The following SEMA6D variants were observed in gnomAD, a reference collection of about 807,000 sequenced individuals.
The protein encoded by SEMA6D is semaphorin-6D.
Under a neutral mutation model 106.6 loss-of-function variants are expected in SEMA6D, and 35 were observed. The ratio of observed to expected loss-of-function variants is 0.33; its 90% CI spans 0.25 to 0.44. The LOEUF (loss-of-function observed/expected upper bound fraction) is 0.44. Among genes scored for constraint, SEMA6D ranks in the 20% least tolerant of loss-of-function variants. The pLI, the probability that SEMA6D is intolerant of heterozygous loss-of-function variation, is 1.00. For synonymous variants in SEMA6D, 499 were observed against 487.7 expected (o/e 1.02, Z -0.31); for missense variants, 1,185 against 1,345.9 (o/e 0.88, Z 1.87).
intron 2 of SEMA6D, among the ~76,000 whole-genome samples, chr15:47,445,418 G>A (rs897528742): frequency 6.6e-6 from 1 of 151,916 alleles, no homozygotes; most frequent in Non-Finnish European, 1.5e-5. Flanking sequence ...GTGGAAAATA[G>A]GGAAGAGAGA....
At chr15:47,740,155 G>A (rs781623208) in intron 1 of SEMA6D, among the ~76,000 whole-genome samples, 1 of 152,190 alleles carries the variant, frequency 6.6e-6, no homozygotes, top group Non-Finnish European at 1.5e-5. Context: ...AGGGTTTCAT[G>A]CATTGCGACT....
intron 4 of SEMA6D, among the ~76,000 whole-genome samples, chr15:47,613,230 C>T (rs2076945232): frequency 6.6e-6 from 1 of 152,196 alleles, no homozygotes; most frequent in Admixed American, 6.5e-5. Flanking sequence ...CCTACACCTT[C>T]AATTGGTGGA....
At chr15:47,333,691 C>A (rs2037435785) in intron 1 of SEMA6D, among the ~76,000 whole-genome samples, 1 of 152,112 alleles carries the variant, frequency 6.6e-6, no homozygotes, top group African/African-American at 2.4e-5. Flanking sequence ...CATCAGGAAA[C>A]AAAACAGACA....
At chr15:47,195,356 A>G (rs1248256425) in intron 1 of SEMA6D, among the ~76,000 whole-genome samples, 3 of 152,270 alleles carry the variant, frequency 2.0e-5, no homozygotes, top group East Asian at 1.9e-4. Context: ...CTCTGCCCAG[A>G]TAAGTCTAAC....
intron 4 of SEMA6D, among the ~76,000 whole-genome samples, chr15:47,702,888 T>TA (rs1302928918): frequency 6.6e-6 from 1 of 152,018 alleles, no homozygotes; most frequent in Non-Finnish European, 1.5e-5. Context: ...ACATAGAAGA[T>TA]TTTTTTAAGG....
At chr15:47,730,498 G>A in intron 1 of SEMA6D, 1 of 1,288,782 alleles carries the variant, frequency 7.8e-7, no homozygotes, top group Non-Finnish European at 1.1e-6. Context: ...CTTTCTTATT[G>A]TCCACCAAGG....
At chr15:47,301,855 A>G (rs1206860467) in intron 1 of SEMA6D, among the ~76,000 whole-genome samples, 4 of 152,334 alleles carry the variant, frequency 2.6e-5, no homozygotes, top group East Asian at 1.9e-4. Context: ...GAGTCCCCCA[A>G]ACTCTGAAGG....
chr15:47,520,202 C>T (rs1159908613), intron 3 of SEMA6D, among the ~76,000 whole-genome samples: 4 of 152,124 alleles, frequency 2.6e-5, no homozygotes, highest in Non-Finnish European at 4.4e-5. Context: ...AATCAATTTT[C>T]CTTTGGTTTT....
chr15:47,647,719 C>CAA (rs777557315), intron 4 of SEMA6D, among the ~76,000 whole-genome samples: 56 of 93,824 alleles, frequency 6.0e-4, no homozygotes, highest in African/African-American at 1.4e-3. Context: ...CAATTGTGGG[C>CAA]AAAAAAAAAA....
intron 1 of SEMA6D, among the ~76,000 whole-genome samples, chr15:47,723,482 GA>G (rs1028577250): frequency 2.6e-5 from 4 of 152,254 alleles, no homozygotes; most frequent in African/African-American, 9.6e-5. Context: ...TTCCCGGGGG[GA>G]ATTTATGGGC....
At chr15:47,597,345 G>T (rs71467630) in intron 3 of SEMA6D, among the ~76,000 whole-genome samples, 36,546 of 151,864 alleles carry the variant, frequency 0.24, 5,254 homozygotes, top group East Asian at 0.46. Context: ...CGACAGTATG[G>T]TCCGGCAATT....
intron 3 of SEMA6D, among the ~76,000 whole-genome samples, chr15:47,585,147 C>A (rs1403334939): frequency 3.9e-5 from 6 of 152,184 alleles, no homozygotes; most frequent in Non-Finnish European, 5.9e-5. Context: ...CCTGATGTGA[C>A]CTCACATAAT....
At position 47,444,913 on chromosome 15, in the gene SEMA6D, C is replaced by T. The variant is rs116900798; in HGVS notation, c.-158-25561C>T. Among the ~76,000 whole-genome samples the T allele has an allele frequency of 3.2e-4, 48 of 152,246 alleles. No homozygotes were observed. In the East Asian group the frequency reaches 9.1e-3, roughly 29 times the overall value. On this transcript the variant is annotated intron_variant, in intron 2 of 19. Transcript: ENST00000558014. ...TCCTTGTCCAGCGTCCAGGAAAAAT[C>T]AGGTCACACACGGACTTGAAGGATG...
At chr15:47,213,628 T>C (rs2030266483) in intron 1 of SEMA6D, among the ~76,000 whole-genome samples, 1 of 152,252 alleles carries the variant, frequency 6.6e-6, no homozygotes, top group Non-Finnish European at 1.5e-5. Flanking sequence ...AAAACTCTTA[T>C]ATATCCCATT....
intron 4 of SEMA6D, among the ~76,000 whole-genome samples, chr15:47,670,755 A>G (rs1384717756): frequency 6.6e-6 from 1 of 152,210 alleles, no homozygotes; most frequent in African/African-American, 2.4e-5. Flanking sequence ...AAGGGCTGCT[A>G]TTAAATTCCC....
At chr15:47,536,217 A>G (rs1431003809) in intron 3 of SEMA6D, among the ~76,000 whole-genome samples, 1 of 152,214 alleles carries the variant, frequency 6.6e-6, no homozygotes, top group Non-Finnish European at 1.5e-5. Flanking sequence ...CTCTACAGCA[A>G]TGTACCATTA....
chr15:47,644,736 A>G (rs145399166), intron 4 of SEMA6D, among the ~76,000 whole-genome samples: 218 of 152,354 alleles, frequency 1.4e-3, no homozygotes, highest in African/African-American at 4.9e-3. Context: ...TCTATTCTTT[A>G]TAAATTACCC....
chr15:47,518,746 A>G (rs542864487), intron 3 of SEMA6D, among the ~76,000 whole-genome samples: 1 of 152,338 alleles, frequency 6.6e-6, no homozygotes, highest in South Asian at 2.1e-4. Context: ...GTGAATGACT[A>G]TCAATATCAT....
chr15:47,254,481 A>G (rs2033692193), intron 1 of SEMA6D, among the ~76,000 whole-genome samples: 1 of 151,886 alleles, frequency 6.6e-6, no homozygotes, highest in South Asian at 2.1e-4. Flanking sequence ...TGAAAGTGGT[A>G]AGAATGGACA....
Sources: gnomAD v4.1 joint callset for allele counts (sites outside exome capture counted in the v4.1 genomes callset) on GRCh38, gnomAD v4.1.1 for gene constraint, MANE v1.5 for transcripts, NCBI Gene and HGNC (gene_info 2026-07-23, HGNC 2026-07-21) for gene names.